Variants in ATXN3 observed in about 807,000 individuals in gnomAD.
The protein encoded by ATXN3 is ataxin-3.
ATXN3 carries 28 observed loss-of-function variants against 58.2 expected under a neutral mutation model. The ratio of observed to expected loss-of-function variants is 0.48; its 90% CI spans 0.36 to 0.66. ATXN3 has a LOEUF of 0.66. Ranked by LOEUF, ATXN3 falls within the 30% of genes least tolerant of loss-of-function variation. The probability of loss-of-function intolerance (pLI) is 0.00; values close to 1 mark genes in which losing one functional copy is unlikely to be tolerated. For synonymous variants in ATXN3, 113 were observed against 138.5 expected (o/e 0.82, Z 1.29); for missense variants, 321 against 422.1 (o/e 0.76, Z 2.10).
intron 8 of ATXN3, 41 bp from the exon 9 acceptor site, chr14:92,081,102 T>A: frequency 7.5e-7 from 1 of 1,338,790 alleles, no homozygotes; most frequent in East Asian, 2.3e-5. Context: ...AATCACTGTA[T>A]TTACCAATTC....
At chr14:92,047,098 G>A (rs539530911) in intron 2 of ATXN3, among the ~76,000 whole-genome samples, 12 of 152,350 alleles carry the variant, frequency 7.9e-5, no homozygotes, top group African/African-American at 2.6e-4. Context: ...GTACAGCCCA[G>A]GTAAGCTGCT....
At chr14:92,054,411 A>AAAACCACAAAGGCCAC (rs1468117514), downstream of ATXN3, among the ~76,000 whole-genome samples, 3 of 152,210 alleles carry the variant, frequency 2.0e-5, no homozygotes, top group African/African-American at 7.2e-5. Flanking sequence ...AAAACCCACC[A>AAAACCACAAAGGCCAC]AAACCACAAA....
intron 6 of ATXN3, among the ~76,000 whole-genome samples, chr14:92,085,718 A>G (rs1072958): frequency 0.28 from 42,820 of 151,954 alleles, 6,329 homozygotes; most frequent in East Asian, 0.44. Flanking sequence ...AGTTTGAAAC[A>G]CTTTTTGGAT....
chr14:92,103,743 T>C (rs1305787399), intron 1 of ATXN3, among the ~76,000 whole-genome samples: 4 of 152,164 alleles, frequency 2.6e-5, no homozygotes, highest in Non-Finnish European at 5.9e-5. Context: ...TAAAGGGTAC[T>C]CAAAGTGACT....
intron 3 of ATXN3, among the ~76,000 whole-genome samples, chr14:92,094,938 T>C (rs1227514518): frequency 6.6e-6 from 1 of 152,030 alleles, no homozygotes; most frequent in African/African-American, 2.4e-5. Context: ...AAGGGAAACA[T>C]AAACAAAGAT....
In ATXN3 at chr14:92,061,129, A is replaced by G. The variant is rs2057752843; in HGVS notation, c.*3191T>C. The G allele has an allele frequency of 1.3e-5, 2 of 152,162 alleles. No homozygotes were observed. Among genetic ancestry groups the G allele is most frequent in the African/African-American group, 4.8e-5 (2 of 41,432 alleles). The allele number at this position is 152,162 out of a possible 1,614,324, so 9.4% of individuals were successfully genotyped here. ...TAAAATTTATTTTATTCAACTTAAT[A>G]TTAAACAATATGGACTACTGGTAGT... On this transcript the variant is annotated 3_prime_UTR_variant, in exon 11 of 11. Transcript: ENST00000644486.
intron 9 of ATXN3, among the ~76,000 whole-genome samples, chr14:92,078,426 G>A (rs549296263): frequency 2.6e-5 from 4 of 151,722 alleles, no homozygotes; most frequent in African/African-American, 9.7e-5. Flanking sequence ...GCAATGGCAC[G>A]ATCTCGGCTC....
upstream of ATXN3, among the ~76,000 whole-genome samples, chr14:92,051,185 G>A (rs1178301989): frequency 6.6e-6 from 1 of 152,136 alleles, no homozygotes; most frequent in Admixed American, 6.5e-5. Flanking sequence ...AGTAATCAGT[G>A]TTTACCTTCT....
chr14:92,047,945 G>A (rs2057434513), exon 2 of ATXN3: 1 of 152,626 alleles, frequency 6.6e-6, no homozygotes, highest in Admixed American at 6.5e-5. Flanking sequence ...TGGTCCAGGG[G>A]GCTTCCAAGG....
At position 92,082,472 on chromosome 14, in the gene ATXN3, GA is replaced by G. The variant is rs748855843; in HGVS notation, c.609-7del. 2 of 1,608,164 alleles carry G rather than the reference GA, an allele frequency of 1.2e-6. No homozygotes were observed. The highest frequency in any genetic ancestry group is 2.7e-5 in the African/African-American group (2 of 74,708). On this transcript the variant is annotated splice_polypyrimidine_tract_variant and splice_region_variant and intron_variant, in intron 7 of 10. Transcript: ENST00000644486. Reference sequence around the variant, plus strand: ...CCAGGTCTGTTTTATGGACTCTAAAGAACAAAAGCACTGGTAATAACTGCAA... The same window carrying G: ...CCAGGTCTGTTTTATGGACTCTAAAGACAAAAGCACTGGTAATAACTGCAA...
At chr14:92,096,235 T>G (rs1203673073) in intron 2 of ATXN3, 98 bp from the exon 3 acceptor site, 1 of 1,607,664 alleles carries the variant, frequency 6.2e-7, no homozygotes, top group East Asian at 2.2e-5. Context: ...ATCTTGTGCA[T>G]TCCCATTTCC....
rs2057772228 is a variant in ATXN3, at chr14:92,061,418, A to T, written c.*2902T>A. ...ATTGATGGTTTTAGATCAGAGATTA[A>T]CTATTCTGAATTTTAAAAACATAAA... On this transcript the variant is annotated 3_prime_UTR_variant, in exon 11 of 11. Transcript: ENST00000644486. 1 of 152,230 alleles carries T rather than the reference A, an allele frequency of 6.6e-6. No individual in the cohort carries two copies. The highest frequency in any genetic ancestry group is 2.4e-5 in the African/African-American group (1 of 41,468). 9.4% of individuals were successfully genotyped at this position (152,230 alleles called of 1,614,324 possible).
rs148968790 is a variant in ATXN3, at chr14:92,062,494, T to C, written c.*1826A>G. 1.6e-3 allele frequency: 238 copies of C among 152,306 alleles called. No individual in the cohort carries two copies. The highest frequency in any genetic ancestry group is 5.3e-3 in the African/African-American group (219 of 41,582). The allele number at this position is 152,306 out of a possible 1,614,324, so 9.4% of individuals were successfully genotyped here. A position where few individuals can be genotyped will look rare whatever the true frequency, so the allele number is the denominator to read the frequency against. On this transcript the variant is annotated 3_prime_UTR_variant, in exon 11 of 11. Transcript: ENST00000644486. ...AATGAACAAATATCCATGGAAAATATGACAAACACACTGGTAATAATTAAC... is the reference window on the plus strand; with the variant it reads ...AATGAACAAATATCCATGGAAAATACGACAAACACACTGGTAATAATTAAC...
upstream of ATXN3, among the ~76,000 whole-genome samples, chr14:92,051,507 T>G (rs1046829191): frequency 6.6e-6 from 1 of 152,074 alleles, no homozygotes; most frequent in African/African-American, 2.4e-5. Flanking sequence ...GCTTGTCAGA[T>G]CTTCTCTTTA....
chr14:92,097,339 T>C (rs763927016), intron 1 of ATXN3, among the ~76,000 whole-genome samples: 7 of 151,916 alleles, frequency 4.6e-5, no homozygotes, highest in Non-Finnish European at 8.8e-5. Flanking sequence ...GTGATTCTCC[T>C]GCCTCAGCCT....
At chr14:92,051,633 T>C (rs1020147821), upstream of ATXN3, among the ~76,000 whole-genome samples, 36 of 150,746 alleles carry the variant, frequency 2.4e-4, no homozygotes, top group Non-Finnish European at 4.7e-4. Context: ...CTGCGATTTA[T>C]TTTAATTTTT....
intron 9 of ATXN3, chr14:92,071,310 T>C: frequency 1.6e-6 from 1 of 643,512 alleles, no homozygotes; most frequent in Non-Finnish European, 2.7e-6. Context: ...AAATAACCTA[T>C]CATGGCCAGG....
intron 7 of ATXN3, 95 bp from the exon 8 acceptor site, chr14:92,082,561 A>G: frequency 8.5e-7 from 1 of 1,179,336 alleles, no homozygotes; most frequent in Non-Finnish European, 1.2e-6. Flanking sequence ...AAGTAAGTCA[A>G]AACTTAAAAT....
chr14:92,071,672 T>C lies in ATXN3; in HGVS notation c.873-619A>G, dbSNP rs112577035. On this transcript the variant is annotated intron_variant, in intron 9 of 10. Coordinates refer to ENST00000644486, the MANE Select transcript of ATXN3 (RefSeq NM_004993.6). Reference sequence around the variant, plus strand: ...TATTCTTATGCAAATGAGTGTTGGTTTATAGACCCTTAATATTGTTGAAAG... The same window carrying C: ...TATTCTTATGCAAATGAGTGTTGGTCTATAGACCCTTAATATTGTTGAAAG... 662 of 234,632 alleles carry C rather than the reference T, an allele frequency of 2.8e-3. 3 individuals carry two copies. The highest frequency in any genetic ancestry group is 0.014 in the African/African-American group (606 of 43,534). 14.5% of individuals were successfully genotyped at this position (234,632 alleles called of 1,614,324 possible).
Sources: allele counts gnomAD v4.1 joint callset (sites outside exome capture counted in the v4.1 genomes callset), GRCh38; gene constraint gnomAD v4.1.1; transcripts MANE v1.5; gene names NCBI Gene and HGNC (gene_info 2026-07-23, HGNC 2026-07-21).